Variants in FRMD5 observed in about 807,000 individuals in gnomAD.
The protein encoded by FRMD5 is FERM domain containing 5, also known as FERM domain-containing protein 5.
FRMD5 carries 20 observed loss-of-function variants against 69.0 expected under a neutral mutation model. The observed-to-expected ratio is 0.29, with a 90% CI of 0.20 to 0.42. The LOEUF (loss-of-function observed/expected upper bound fraction) is 0.42, where lower values mean the gene tolerates loss of function less well. Among genes scored for constraint, FRMD5 ranks in the 10% least tolerant of loss-of-function variants. The pLI is 1.00. For synonymous variants in FRMD5, 271 were observed against 260.1 expected, an observed-to-expected ratio of 1.04 and a Z score of -0.40; for missense variants, 595 against 708.6, an observed-to-expected ratio of 0.84 and a Z score of 1.82.
intron 1 of FRMD5, chr15:44,101,613 C>A (rs2076641345): frequency 6.6e-6 from 1 of 152,566 alleles, no homozygotes; most frequent in South Asian, 2.1e-4. Flanking sequence ...AATGAATGTA[C>A]TTGTTCCCAA....
At chr15:44,196,679 A>G (rs1333860845), upstream of FRMD5, among the ~76,000 whole-genome samples, 1 of 105,606 alleles carries the variant, frequency 9.5e-6, no homozygotes, top group Non-Finnish European at 1.8e-5. Flanking sequence ...GGATTCCAAT[A>G]TTTTCCCCAA....
In FRMD5 at chr15:44,101,066, T is replaced by C. The variant is rs572101945; in HGVS notation, c.102+93887A>G. ...CGGGAGGCTGACGCAGGAGAATCCC[T>C]TGAACTCAGGAGGCGGAGGTTGCAG... is the stretch of plus-strand genomic sequence containing the variant. On this transcript the variant is annotated intron_variant, in intron 1 of 13. Transcript: ENST00000417257. Among the ~76,000 whole-genome samples the C allele has an allele frequency of 4.0e-4, 60 of 151,880 alleles. No individual in the cohort carries two copies. In the South Asian group the frequency reaches 0.012, roughly 31 times the overall value.
chr15:44,014,700 G>A (rs1468390057), intron 1 of FRMD5, among the ~76,000 whole-genome samples: 1 of 152,072 alleles, frequency 6.6e-6, no homozygotes, highest in Non-Finnish European at 1.5e-5. Context: ...TTGCGCCAAT[G>A]CACTCCAGCC....
At chr15:44,113,843 G>T (rs1023654379) in intron 1 of FRMD5, among the ~76,000 whole-genome samples, 2 of 152,096 alleles carry the variant, frequency 1.3e-5, no homozygotes, top group African/African-American at 4.8e-5. Context: ...AACTGACACA[G>T]GGTCTGAACT....
chr15:44,103,921 T>C (rs762928134), intron 1 of FRMD5, among the ~76,000 whole-genome samples: 88 of 152,250 alleles, frequency 5.8e-4, no homozygotes, highest in Non-Finnish European at 9.6e-4. Context: ...GATGCTGGTG[T>C]AAACAAACCT....
At chr15:44,093,172 C>T (rs1338823438) in intron 1 of FRMD5, among the ~76,000 whole-genome samples, 3 of 152,020 alleles carry the variant, frequency 2.0e-5, no homozygotes, top group African/African-American at 4.8e-5. Flanking sequence ...CCTCGTGATC[C>T]ACCCACCTCA....
At chr15:44,122,985 TGATA>T (rs1464054316) in intron 1 of FRMD5, among the ~76,000 whole-genome samples, 2 of 152,224 alleles carry the variant, frequency 1.3e-5, no homozygotes, top group African/African-American at 4.8e-5. Context: ...ATGATGAGCC[TGATA>T]AATACAGAAA....
At chr15:43,988,236 A>G (rs1407154514) in intron 1 of FRMD5, among the ~76,000 whole-genome samples, 1 of 152,180 alleles carries the variant, frequency 6.6e-6, no homozygotes, top group African/African-American at 2.4e-5. Context: ...CAGAAGATCA[A>G]ACTAGCCACA....
At chr15:44,051,727 G>A (rs1389319879) in intron 1 of FRMD5, among the ~76,000 whole-genome samples, 1 of 151,746 alleles carries the variant, frequency 6.6e-6, no homozygotes, top group African/African-American at 2.4e-5. Context: ...TGACAGTTTC[G>A]AGGAGTACTA....
At chr15:43,994,611 T>C (rs2140148411) in intron 1 of FRMD5, among the ~76,000 whole-genome samples, 1 of 152,214 alleles carries the variant, frequency 6.6e-6, no homozygotes. Flanking sequence ...TTTTATTTTT[T>C]GGTAGAGATG....
chr15:44,006,876 A>G (rs1427884670), intron 1 of FRMD5, among the ~76,000 whole-genome samples: 2 of 152,240 alleles, frequency 1.3e-5, no homozygotes, highest in Non-Finnish European at 2.9e-5. Flanking sequence ...AATATCCCAT[A>G]AACTTAGTTG....
chr15:44,065,856 C>A (rs943366373), intron 1 of FRMD5, among the ~76,000 whole-genome samples: 2 of 152,200 alleles, frequency 1.3e-5, no homozygotes, highest in Admixed American at 6.5e-5. Flanking sequence ...ATGAACATGA[C>A]ATCCTTCACA....
intron 1 of FRMD5, among the ~76,000 whole-genome samples, chr15:44,016,750 CT>C (rs1333936653): frequency 6.6e-6 from 1 of 151,690 alleles, no homozygotes; most frequent in Non-Finnish European, 1.5e-5. Context: ...AAAATGAAGA[CT>C]TGGGTTCGAG....
intron 1 of FRMD5, among the ~76,000 whole-genome samples, chr15:43,948,483 G>T (rs933088646): frequency 3.3e-5 from 5 of 152,146 alleles, no homozygotes; most frequent in African/African-American, 1.2e-4. Context: ...TTTTTGACAT[G>T]TTCATTCCAT....
At chr15:43,982,667 GAACTT>G (rs1233401758) in intron 1 of FRMD5, among the ~76,000 whole-genome samples, 1 of 152,134 alleles carries the variant, frequency 6.6e-6, no homozygotes, top group Admixed American at 6.5e-5. Context: ...GGGAGAAATG[GAACTT>G]TAGCAGTCCT....
intron 1 of FRMD5, among the ~76,000 whole-genome samples, chr15:43,968,581 G>A (rs1279358983): frequency 6.6e-6 from 1 of 152,062 alleles, no homozygotes; most frequent in East Asian, 1.9e-4. Context: ...GTCATTAATT[G>A]TACATAAGGT....
intron 1 of FRMD5, among the ~76,000 whole-genome samples, chr15:44,079,044 T>A (rs1893888026): frequency 6.6e-6 from 1 of 152,056 alleles, no homozygotes. Flanking sequence ...GACATTCAGA[T>A]ATATAGAGAA....
At chr15:43,932,860 C>A (rs757250987) in intron 1 of FRMD5, among the ~76,000 whole-genome samples, 25 of 152,220 alleles carry the variant, frequency 1.6e-4, no homozygotes, top group Non-Finnish European at 2.6e-4. Flanking sequence ...AGAGCATGCC[C>A]AGTCACACAC....
At chr15:44,076,623 TG>T (rs1440066576) in intron 1 of FRMD5, among the ~76,000 whole-genome samples, 1 of 96,018 alleles carries the variant, frequency 1.0e-5, no homozygotes, top group African/African-American at 4.1e-5. Flanking sequence ...GGGACTGTTG[TG>T]GGGTGGGGGG....
Sources: gnomAD v4.1 joint callset for allele counts (sites outside exome capture counted in the v4.1 genomes callset) on GRCh38, gnomAD v4.1.1 for gene constraint, MANE v1.5 for transcripts, NCBI Gene and HGNC (gene_info 2026-07-23, HGNC 2026-07-21) for gene names.